The following TENM3 variants were observed in gnomAD, a reference collection of about 807,000 sequenced individuals.
The protein encoded by TENM3 is teneurin-3.
TENM3 carries 63 observed loss-of-function variants against 255.1 expected under a neutral mutation model. That is an observed-to-expected ratio of 0.25 (90% CI 0.20 to 0.30). TENM3 has a LOEUF of 0.30. Among genes scored for constraint, TENM3 ranks in the 10% least tolerant of loss-of-function variants. TENM3 has a pLI of 1.00. For synonymous variants in TENM3, 1,306 were observed against 1,322.3 expected, an observed-to-expected ratio of 0.99 and a Z score of 0.27; for missense variants, 2,929 against 3,461.1, an observed-to-expected ratio of 0.85 and a Z score of 3.86.
the TENM3 span, among the ~76,000 whole-genome samples, chr4:181,602,428 C>T: frequency 3.9e-5 from 6 of 152,096 alleles, no homozygotes; most frequent in East Asian, 1.9e-4. Context: ...AGTTAGTATT[C>T]GGTATTGCAA....
the TENM3 span, among the ~76,000 whole-genome samples, chr4:182,089,480 C>CA: frequency 4.6e-5 from 7 of 152,050 alleles, no homozygotes; most frequent in Non-Finnish European, 8.8e-5. Flanking sequence ...AAAAATCAAC[C>CA]AAAAAATCAA....
chr4:181,751,222 G>A, the TENM3 span, among the ~76,000 whole-genome samples: 2 of 152,060 alleles, frequency 1.3e-5, no homozygotes, highest in Non-Finnish European at 2.9e-5. Context: ...TAGCATTGCG[G>A]GGTTAGGGTT....
the TENM3 span, among the ~76,000 whole-genome samples, chr4:181,448,406 C>T: frequency 2.6e-5 from 4 of 151,526 alleles, no homozygotes; most frequent in East Asian, 1.9e-4. Context: ...CTCCTGACCT[C>T]GTGATCCGCC....
intron 12 of TENM3, among the ~76,000 whole-genome samples, chr4:182,708,767 C>G (rs547441959): frequency 6.9e-6 from 1 of 145,432 alleles, no homozygotes; most frequent in South Asian, 2.2e-4. Flanking sequence ...CACTGTACTC[C>G]AGCCTGGGCG....
At chr4:182,199,070 G>T (rs1453035198) in intron 1 of TENM3, among the ~76,000 whole-genome samples, 1 of 152,228 alleles carries the variant, frequency 6.6e-6, no homozygotes, top group African/African-American at 2.4e-5. Flanking sequence ...TTGGGACACA[G>T]TTGAGAAAGC....
intron 1 of TENM3, among the ~76,000 whole-genome samples, chr4:182,301,229 A>C (rs2150369167): frequency 6.6e-6 from 1 of 152,362 alleles, no homozygotes; most frequent in Non-Finnish European, 1.5e-5. Flanking sequence ...ACCAAAGCTT[A>C]CACTGTTCCA....
chr4:182,226,005 A>G (rs1287446271), intron 1 of TENM3, among the ~76,000 whole-genome samples: 1 of 152,194 alleles, frequency 6.6e-6, no homozygotes, highest in East Asian at 1.9e-4. Flanking sequence ...ACCAAGGGCA[A>G]TTACCCTGAG....
chr4:181,884,823 G>T, the TENM3 span, among the ~76,000 whole-genome samples: 3 of 151,860 alleles, frequency 2.0e-5, no homozygotes, highest in Admixed American at 2.0e-4. Flanking sequence ...CAGTTACTTT[G>T]CTGACCTCAA....
At chr4:181,553,383 T>C in the TENM3 span, among the ~76,000 whole-genome samples, 1 of 151,890 alleles carries the variant, frequency 6.6e-6, no homozygotes, top group Non-Finnish European at 1.5e-5. Flanking sequence ...TTTATGTATA[T>C]ATCCAAGCAT....
chr4:182,002,754 G>A, the TENM3 span, among the ~76,000 whole-genome samples: 2 of 152,038 alleles, frequency 1.3e-5, no homozygotes, highest in Admixed American at 1.3e-4. Flanking sequence ...TTGAGGCAAA[G>A]CTTTTTGCTA....
rs773408397 is a variant in TENM3 at position 182,653,904 on chromosome 4, G to T, written c.1111+11G>T. The stretch of plus-strand genomic sequence containing the variant: ...CTTCTGGAGACAATGGTAAGCGAAA[G>T]AATTATGTATCCTGTGTTTCTCTTT... On this transcript the variant is annotated intron_variant, in intron 6 of 27. Transcript: ENST00000511685. 5 of 1,603,318 alleles carry T rather than the reference G, an allele frequency of 3.1e-6. No individual in the cohort carries two copies. The highest frequency in any genetic ancestry group is 1.7e-5 in the Admixed American group (1 of 58,054).
intron 3 of TENM3, among the ~76,000 whole-genome samples, chr4:182,497,200 G>C (rs1487321383): frequency 6.6e-6 from 1 of 151,858 alleles, no homozygotes; most frequent in Non-Finnish European, 1.5e-5. Context: ...ACTCAGGCAC[G>C]CGCCACCATG....
intron 2 of TENM3, among the ~76,000 whole-genome samples, chr4:182,332,039 A>C (rs1301145630): frequency 6.6e-6 from 1 of 152,150 alleles, no homozygotes; most frequent in Admixed American, 6.5e-5. Context: ...GAAATGATAC[A>C]ATTTTTTATA....
At chr4:182,556,443 T>C (rs961512824) in intron 3 of TENM3, among the ~76,000 whole-genome samples, 1 of 152,220 alleles carries the variant, frequency 6.6e-6, no homozygotes, top group African/African-American at 2.4e-5. Flanking sequence ...CTATGCGAAC[T>C]ATCCCAAAAT....
chr4:182,125,159 C>T, the TENM3 span, among the ~76,000 whole-genome samples: 78 of 119,450 alleles, frequency 6.5e-4, no homozygotes, highest in African/African-American at 2.3e-3. Context: ...TCCCATTGCC[C>T]AGCGCATCCA....
chr4:181,748,831 C>T, the TENM3 span, among the ~76,000 whole-genome samples: 81 of 151,830 alleles, frequency 5.3e-4, no homozygotes, highest in Non-Finnish European at 9.0e-4. Flanking sequence ...GACAGGAGGC[C>T]GAGGGCCAGG....
the TENM3 span, among the ~76,000 whole-genome samples, chr4:181,639,860 G>A: frequency 1.3e-5 from 2 of 152,310 alleles, no homozygotes; most frequent in South Asian, 4.1e-4. Flanking sequence ...CCCAACAGAT[G>A]AACTCCTGCC....
At chr4:181,764,949 G>C in the TENM3 span, among the ~76,000 whole-genome samples, 10 of 152,206 alleles carry the variant, frequency 6.6e-5, no homozygotes, top group African/African-American at 1.4e-4. Context: ...CCCACCTCAG[G>C]CTCCTAAAGT....
the TENM3 span, among the ~76,000 whole-genome samples, chr4:181,663,477 A>G: frequency 6.6e-6 from 1 of 152,298 alleles, no homozygotes; most frequent in Non-Finnish European, 1.5e-5. Context: ...CTTAATGCTC[A>G]TTCTCATCAA....
Sources: allele counts gnomAD v4.1 joint callset (sites outside exome capture counted in the v4.1 genomes callset), GRCh38; gene constraint gnomAD v4.1.1; transcripts MANE v1.5; gene names NCBI Gene and HGNC (gene_info 2026-07-23, HGNC 2026-07-21).